TUSC3: variants seen among roughly 807,000 people sequenced by gnomAD.
TUSC3 encodes the protein dolichyl-diphosphooligosaccharide--protein glycosyltransferase subunit TUSC3.
A neutral mutation model predicts 44.8 loss-of-function variants in TUSC3; 45 were observed. The ratio of observed to expected loss-of-function variants is 1.00; its 90% confidence interval spans 0.79 to 1.29. TUSC3 has a LOEUF of 1.29. Among genes scored for constraint, TUSC3 ranks in the 50% most tolerant of loss-of-function variants. The pLI is 0.00. For synonymous variants in TUSC3, 212 were observed against 152.9 expected (o/e 1.39, Z -2.85); for missense variants, 519 against 437.9 (o/e 1.19, Z -1.65).
the TUSC3 span, among the ~76,000 whole-genome samples, chr8:15,788,510 G>C: frequency 6.9e-6 from 1 of 145,696 alleles, no homozygotes; most frequent in African/African-American, 2.6e-5. Flanking sequence ...TTGTGCCACT[G>C]CACTCCAGCC....
the TUSC3 span, among the ~76,000 whole-genome samples, chr8:15,801,678 G>C: frequency 6.6e-6 from 1 of 152,154 alleles, no homozygotes; most frequent in East Asian, 1.9e-4. Flanking sequence ...CATGAGGGTT[G>C]TGAGAGCTGT....
intron 5 of TUSC3, among the ~76,000 whole-genome samples, chr8:15,672,430 G>T (rs2129183054): frequency 1.3e-5 from 2 of 151,308 alleles, no homozygotes; most frequent in South Asian, 4.2e-4. Context: ...TTGCAGTTTA[G>T]AAAGATTGCT....
intron 2 of TUSC3, among the ~76,000 whole-genome samples, chr8:15,633,177 T>C (rs34456082): frequency 0.28 from 42,968 of 152,014 alleles, 6,732 homozygotes; most frequent in Non-Finnish European, 0.35. Flanking sequence ...GAGCATTACG[T>C]GTTTTCTTCT....
intron 1 of TUSC3, among the ~76,000 whole-genome samples, chr8:15,468,595 C>A (rs1336537699): frequency 6.6e-6 from 1 of 152,042 alleles, no homozygotes; most frequent in Non-Finnish European, 1.5e-5. Context: ...TCTGATGCCC[C>A]CCTCTAATAA....
At chr8:15,585,736 CCTGTTCGA>C (rs1036492542) in intron 1 of TUSC3, among the ~76,000 whole-genome samples, 1 of 152,110 alleles carries the variant, frequency 6.6e-6, no homozygotes, top group African/African-American at 2.4e-5. Context: ...GCCTTTTTTA[CCTGTTCGA>C]CTGTCGGAAT....
intron 8 of TUSC3, among the ~76,000 whole-genome samples, chr8:15,747,683 C>T (rs1160495963): frequency 3.9e-5 from 6 of 152,038 alleles, no homozygotes; most frequent in Admixed American, 3.9e-4. Context: ...TTTCAGCTTT[C>T]CTGGGACAGA....
rs1811511911 is a variant in TUSC3, at chr8:15,748,315, A to G, written c.938-60A>G. ...TAATTGAATGCATTTAAAAATATAA[A>G]CAATTGGGGTTTCATTTGCATATTT... On this transcript the variant is annotated intron_variant, in intron 8 of 10. Coordinates refer to ENST00000503731, the MANE Select transcript of TUSC3 (RefSeq NM_006765.4). 16 of 1,252,946 alleles carry G rather than the reference A, an allele frequency of 1.3e-5. 1 individual carries two copies. The South Asian group carries it at 1.9e-4, about 15-fold the overall frequency. The allele number at this position is 1,252,946 out of a possible 1,614,324, so 77.6% of individuals were successfully genotyped here. A position where few individuals can be genotyped will look rare whatever the true frequency, so the allele number is the denominator to read the frequency against.
the TUSC3 span, among the ~76,000 whole-genome samples, chr8:15,800,692 C>T: frequency 5.3e-5 from 8 of 152,248 alleles, no homozygotes; most frequent in African/African-American, 1.9e-4. Flanking sequence ...ACCTGTCAGC[C>T]TGCTCTGCAG....
chr8:15,484,042 G>A (rs529944322), intron 2 of TUSC3, among the ~76,000 whole-genome samples: 1 of 152,156 alleles, frequency 6.6e-6, no homozygotes, highest in East Asian at 1.9e-4. Context: ...CTCTCCCACC[G>A]TATTAGTATG....
rs570826644 is a variant in TUSC3 at position 15,723,615 on chromosome 8, A to C, written c.799-7051A>C. Among the ~76,000 whole-genome samples the C allele has an allele frequency of 6.6e-5, 10 of 152,138 alleles. No homozygotes were observed. The South Asian group carries it at 2.1e-3, about 32-fold the overall frequency. On this transcript the variant is annotated intron_variant, in intron 6 of 10. Transcript: ENST00000503731. ...CTGCCATTTGGTGTAGAGCCTAGTAAGAACTAATGCTGCCTCAAAGAAGGC... is the reference window on the plus strand; with the variant it reads ...CTGCCATTTGGTGTAGAGCCTAGTACGAACTAATGCTGCCTCAAAGAAGGC...
At chr8:15,690,301 A>G (rs1180953860) in intron 6 of TUSC3, among the ~76,000 whole-genome samples, 1 of 150,480 alleles carries the variant, frequency 6.6e-6, no homozygotes, top group Non-Finnish European at 1.5e-5. Context: ...GGCCACATGT[A>G]TGTCTGCTTT....
At chr8:15,759,060 A>G (rs1006202456) in intron 10 of TUSC3, among the ~76,000 whole-genome samples, 2 of 152,212 alleles carry the variant, frequency 1.3e-5, no homozygotes, top group African/African-American at 4.8e-5. Flanking sequence ...TCTCGCTAGC[A>G]TTCTCATAGA....
intron 5 of TUSC3, 111 bp downstream of exon 5, chr8:15,662,407 A>C: frequency 6.9e-7 from 1 of 1,449,302 alleles, no homozygotes; most frequent in Non-Finnish European, 9.5e-7. Flanking sequence ...TTAAGTCTGA[A>C]TGAGAAGTAA....
At chr8:15,657,300 A>G (rs549412023) in intron 3 of TUSC3, among the ~76,000 whole-genome samples, 15 of 152,040 alleles carry the variant, frequency 9.9e-5, no homozygotes, top group African/African-American at 2.9e-4. Flanking sequence ...TTTGTCTTCT[A>G]TTTTATTATA....
At position 15,650,537 on chromosome 8, in the gene TUSC3, A is replaced by G. The variant is rs377087904; in HGVS notation, c.309-160A>G. ...GAATTTTATGTAATTTTCATGTCAG[A>G]GAATCCTTTTTTTAAAAAAAAATAT... On this transcript the variant is annotated intron_variant, in intron 2 of 10. Transcript: ENST00000503731. 3.2e-4 allele frequency among the ~76,000 whole-genome samples: 48 copies of G among 152,282 alleles called. No homozygotes were observed. The East Asian group carries it at 8.5e-3, about 27-fold the overall frequency.
intron 1 of TUSC3, among the ~76,000 whole-genome samples, chr8:15,617,045 C>T (rs1425552960): frequency 6.6e-6 from 1 of 151,302 alleles, no homozygotes; most frequent in East Asian, 1.9e-4. Flanking sequence ...AATCAGCAGA[C>T]AGAGGGAGGA....
At chr8:15,472,709 G>A (rs540495684) in intron 1 of TUSC3, among the ~76,000 whole-genome samples, 2 of 152,186 alleles carry the variant, frequency 1.3e-5, no homozygotes, top group Admixed American at 6.5e-5. Flanking sequence ...TAGAAACCAG[G>A]TTAATTATAA....
chr8:15,419,648 G>A (rs1220273861), intron 1 of TUSC3, among the ~76,000 whole-genome samples: 1 of 152,098 alleles, frequency 6.6e-6, no homozygotes, highest in African/African-American at 2.4e-5. Flanking sequence ...AAATGTCAAA[G>A]GTGTTCATCC....
At chr8:15,432,064 G>A (rs913653051) in intron 1 of TUSC3, among the ~76,000 whole-genome samples, 7 of 151,734 alleles carry the variant, frequency 4.6e-5, no homozygotes, top group Non-Finnish European at 7.4e-5. Flanking sequence ...AGGGATATTG[G>A]CTTGTAATTT....
Sources: gnomAD v4.1 joint callset for allele counts (sites outside exome capture counted in the v4.1 genomes callset) on GRCh38, gnomAD v4.1.1 for gene constraint, MANE v1.5 for transcripts, NCBI Gene and HGNC (gene_info 2026-07-23, HGNC 2026-07-21) for gene names.